ROBO1: variants seen among roughly 807,000 people sequenced by gnomAD.
ROBO1 encodes the protein roundabout homolog 1.
Under a neutral mutation model 195.9 loss-of-function variants are expected in ROBO1, and 149 were observed. That is an observed-to-expected ratio of 0.76 (90% confidence interval 0.67 to 0.87). The LOEUF is 0.87. Ranked by LOEUF, ROBO1 falls within the 40% of genes least tolerant of loss-of-function variation. The pLI, the probability that ROBO1 is intolerant of heterozygous loss-of-function variation, is 0.00. For synonymous variants in ROBO1, 816 were observed against 733.2 expected (o/e 1.11, Z -1.82); for missense variants, 1,933 against 2,068.3 (o/e 0.93, Z 1.27).
intron 2 of ROBO1, among the ~76,000 whole-genome samples, chr3:79,541,319 T>C (rs146399338): frequency 0.011 from 1,681 of 152,160 alleles, 30 homozygotes; most frequent in African/African-American, 0.038. Flanking sequence ...TGATTTGACG[T>C]TGTTTCTGCT....
chr3:79,348,083 C>T (rs1232970107), intron 2 of ROBO1, among the ~76,000 whole-genome samples: 1 of 151,696 alleles, frequency 6.6e-6, no homozygotes, highest in Admixed American at 6.6e-5. Context: ...TGGTGGTGCA[C>T]ACTTGTAATC....
chr3:78,940,817 C>G (rs1344877302), intron 3 of ROBO1, among the ~76,000 whole-genome samples: 1 of 152,088 alleles, frequency 6.6e-6, no homozygotes, highest in Non-Finnish European at 1.5e-5. Flanking sequence ...ATGGTATTTC[C>G]CTTATGCTTG....
At chr3:78,885,763 A>G (rs960399582) in intron 4 of ROBO1, among the ~76,000 whole-genome samples, 2 of 151,356 alleles carry the variant, frequency 1.3e-5, no homozygotes, top group African/African-American at 4.8e-5. Context: ...TTCAAAGACT[A>G]GATTTGAACT....
chr3:78,971,272 C>T (rs2076758935), intron 3 of ROBO1, among the ~76,000 whole-genome samples: 1 of 151,996 alleles, frequency 6.6e-6, no homozygotes, highest in Non-Finnish European at 1.5e-5. Context: ...ATCTGTAGTC[C>T]CAGTTACTCG....
intron 4 of ROBO1, among the ~76,000 whole-genome samples, chr3:78,786,369 G>C (rs1300445303): frequency 6.6e-6 from 1 of 152,090 alleles, no homozygotes; most frequent in Non-Finnish European, 1.5e-5. Context: ...AATATTTCTT[G>C]ACACTCTTTT....
At chr3:79,633,298 C>T (rs563847399) in intron 1 of ROBO1, among the ~76,000 whole-genome samples, 9 of 150,314 alleles carry the variant, frequency 6.0e-5, no homozygotes, top group Admixed American at 1.3e-4. Context: ...ATTTACCTCC[C>T]GAATAACTGG....
At chr3:79,007,681 T>C (rs1381044128) in intron 3 of ROBO1, among the ~76,000 whole-genome samples, 4 of 152,230 alleles carry the variant, frequency 2.6e-5, no homozygotes, top group African/African-American at 9.6e-5. Context: ...GTATTTATGG[T>C]GTACAACATG....
chr3:79,028,372 T>TAAG (rs1232352188), intron 3 of ROBO1, among the ~76,000 whole-genome samples: 2 of 151,832 alleles, frequency 1.3e-5, no homozygotes, highest in Non-Finnish European at 2.9e-5. Context: ...AAGATCATCA[T>TAAG]AAGAATTTTT....
intron 5 of ROBO1, among the ~76,000 whole-genome samples, chr3:78,721,280 T>C (rs1257562544): frequency 6.6e-6 from 1 of 152,170 alleles, no homozygotes; most frequent in Non-Finnish European, 1.5e-5. Context: ...TTTTGTAACC[T>C]TTCATGCGCT....
At chr3:79,330,912 AG>A (rs1399869282) in intron 2 of ROBO1, among the ~76,000 whole-genome samples, 1 of 152,126 alleles carries the variant, frequency 6.6e-6, no homozygotes, top group Non-Finnish European at 1.5e-5. Context: ...GGATTATATG[AG>A]CCCTCTGTGC....
At chr3:78,744,269 T>C (rs1174819177) in intron 5 of ROBO1, among the ~76,000 whole-genome samples, 1 of 152,162 alleles carries the variant, frequency 6.6e-6, no homozygotes, top group Non-Finnish European at 1.5e-5. Flanking sequence ...GGCTATTGCT[T>C]TGTAGTATAT....
intron 3 of ROBO1, among the ~76,000 whole-genome samples, chr3:79,041,133 T>C (rs2078480461): frequency 6.6e-6 from 1 of 152,192 alleles, no homozygotes; most frequent in Non-Finnish European, 1.5e-5. Context: ...CCATCACTGT[T>C]CTCACTCCTC....
At chr3:79,340,320 A>T (rs1435755480) in intron 2 of ROBO1, among the ~76,000 whole-genome samples, 1 of 152,220 alleles carries the variant, frequency 6.6e-6, no homozygotes. Flanking sequence ...AGATGGGACA[A>T]GTCCTCAGAG....
In ROBO1 at chr3:79,445,317, TAA is replaced by T. The variant is rs769663222; in HGVS notation, c.88+144505_88+144506del. On this transcript the variant is annotated intron_variant, in intron 2 of 30. Transcript: ENST00000464233. ...ATTATTTAACCCCAGACTGAACATT[TAA>T]AGTTTTTACTTTATAAGAATGAACT... Among the ~76,000 whole-genome samples the T allele has an allele frequency of 1.3e-4, 20 of 151,964 alleles. 1 individual carries two copies. The highest frequency in any genetic ancestry group is 1.9e-4 in the Non-Finnish European group (13 of 68,000).
intron 2 of ROBO1, among the ~76,000 whole-genome samples, chr3:79,554,435 G>A (rs1320008679): frequency 6.6e-6 from 1 of 152,036 alleles, no homozygotes; most frequent in Non-Finnish European, 1.5e-5. Context: ...TGCAAAGAGA[G>A]TGAACATTTA....
chr3:78,894,110 A>G (rs183097161), intron 4 of ROBO1, among the ~76,000 whole-genome samples: 1 of 152,318 alleles, frequency 6.6e-6, no homozygotes, highest in Admixed American at 6.5e-5. Context: ...AAAAAGCCAA[A>G]AACCACATTA....
intron 2 of ROBO1, among the ~76,000 whole-genome samples, chr3:79,176,719 C>A (rs1470003107): frequency 3.3e-5 from 5 of 152,134 alleles, no homozygotes; most frequent in African/African-American, 1.2e-4. Context: ...CTCGGCCCCC[C>A]AAAGGGCTGG....
chr3:78,919,134 C>A (rs1436437261), intron 4 of ROBO1, among the ~76,000 whole-genome samples: 1 of 152,104 alleles, frequency 6.6e-6, no homozygotes, highest in Non-Finnish European at 1.5e-5. Flanking sequence ...GACTTTCTTA[C>A]CGGTTATTAC....
intron 1 of ROBO1, among the ~76,000 whole-genome samples, chr3:79,713,848 G>T (rs1702372995): frequency 6.6e-6 from 1 of 152,070 alleles, no homozygotes; most frequent in East Asian, 1.9e-4. Flanking sequence ...TATTAAATAG[G>T]GAATCCTTTC....
Sources: gnomAD v4.1 joint callset for allele counts (sites outside exome capture counted in the v4.1 genomes callset) on GRCh38, gnomAD v4.1.1 for gene constraint, MANE v1.5 for transcripts, NCBI Gene and HGNC (gene_info 2026-07-23, HGNC 2026-07-21) for gene names.